Variants in NBPF14 observed in about 807,000 individuals in gnomAD.
The protein encoded by NBPF14 is NBPF family member NBPF14.
Under a neutral mutation model 91.2 loss-of-function variants are expected in NBPF14, and 104 were observed. That is an observed-to-expected ratio of 1.14 (90% CI 0.97 to 1.34). The LOEUF is 1.34. Among genes scored for constraint, NBPF14 ranks in the 40% most tolerant of loss-of-function variants. The probability of loss-of-function intolerance (pLI) is 0.00; values close to 1 mark genes in which losing one functional copy is unlikely to be tolerated. For synonymous variants in NBPF14, 294 were observed against 303.8 expected (o/e 0.97, Z 0.34); for missense variants, 908 against 783.0 (o/e 1.16, Z -1.91).
chr1:148,560,035 C>A, intron 36 of NBPF14, 70 bp from the exon 37 acceptor site: 2 of 716,584 alleles, frequency 2.8e-6, no homozygotes, highest in Admixed American at 2.0e-5. Flanking sequence ...AGCTAGATTT[C>A]ATGGCTAACG....
In NBPF14 at chr1:148,559,959, G is replaced by C. The variant is rs1360947130; in HGVS notation, c.4563C>G (p.Ser1521Arg). 5 of 1,361,006 alleles carry C rather than the reference G, an allele frequency of 3.7e-6. No homozygotes were observed. In the African/African-American group the frequency reaches 8.2e-5, roughly 22 times the overall value. 84.3% of individuals were successfully genotyped at this position (1,361,006 alleles called of 1,614,324 possible). A position where few individuals can be genotyped will look rare whatever the true frequency, so the allele number is the denominator to read the frequency against. ...GCCCTTTCTCATGCAGCAGCTCCCT[G>C]CTGAGCCTGGAAAAGTGGAAAAAAG... Residue 1521 changes from serine to arginine, a missense_variant, in exon 37 of 71, where the codon AGC becomes AGG. This residue lies in a region of NBPF14 where 447 missense variants were observed against 189.1 expected (regional missense o/e 2.36). Transcript: ENST00000619423.
chr1:148,572,659 G>A lies in NBPF14; in HGVS notation c.2586-44C>T, dbSNP rs1659275820. 5 of 657,358 alleles carry A rather than the reference G, an allele frequency of 7.6e-6. 1 individual carries two copies. The highest frequency in any genetic ancestry group is 1.4e-5 in the Non-Finnish European group (5 of 368,442). 40.7% of individuals were successfully genotyped at this position (657,358 alleles called of 1,614,324 possible). A position where few individuals can be genotyped will look rare whatever the true frequency, so the allele number is the denominator to read the frequency against. ...GTAAAGAATAAGCCAGGGGGAATCA[G>A]AAACCACACAGCCCCAGCTAGATTT... On this transcript the variant is annotated intron_variant, in intron 20 of 70. Transcript: ENST00000619423.
At chr1:148,581,861 T>TA (rs1323423528) in intron 12 of NBPF14, among the ~76,000 whole-genome samples, 1 of 140,174 alleles carries the variant, frequency 7.1e-6, no homozygotes, top group Non-Finnish European at 1.5e-5. Context: ...ATGCCCCAGT[T>TA]AAAAAACACA....
At chr1:148,535,283 G>A (rs1654911882) in intron 68 of NBPF14, among the ~76,000 whole-genome samples, 170 bp downstream of exon 68, 1 of 149,952 alleles carries the variant, frequency 6.7e-6, no homozygotes, top group Non-Finnish European at 1.5e-5. Flanking sequence ...GATAAGGGGA[G>A]GAAGAAATGG....
chr1:148,534,594 T>A lies in NBPF14; in HGVS notation c.8614+90A>T, dbSNP rs1376408081. Reference sequence around the variant, plus strand: ...GTCCTGCCTGCGGCAATGACATCTCTCGGGTGAGTAAGGGCCACTTGGAAT... The same window carrying A: ...GTCCTGCCTGCGGCAATGACATCTCACGGGTGAGTAAGGGCCACTTGGAAT... On this transcript the variant is annotated intron_variant, in intron 69 of 70. Coordinates refer to ENST00000619423, the Ensembl canonical transcript of NBPF14. 1.1e-5 allele frequency: 10 copies of A among 870,822 alleles called. No individual in the cohort carries two copies. In the Admixed American group the frequency reaches 1.4e-4, roughly 12 times the overall value. The allele number at this position is 870,822 out of a possible 1,614,324, so 53.9% of individuals were successfully genotyped here.
rs1663169459 is a variant in NBPF14 at position 148,595,474 on chromosome 1, A to G, written c.175+69T>C. On this transcript the variant is annotated intron_variant, in intron 2 of 70. Transcript: ENST00000619423. ...TGAAATTATTTTTGATGGAGAGAGC[A>G]TTTAGTGTCTCAGAGAGAAGACAGG... 7.0e-5 allele frequency: 84 copies of G among 1,206,620 alleles called. 12 individuals carry two copies. The South Asian group carries it at 1.0e-3, about 15-fold the overall frequency. 74.7% of individuals were successfully genotyped at this position (1,206,620 alleles called of 1,614,324 possible). A position where few individuals can be genotyped will look rare whatever the true frequency, so the allele number is the denominator to read the frequency against.
At chr1:148,591,303 G>C in intron 5 of NBPF14, 129 bp downstream of exon 5, 3 of 1,407,906 alleles carry the variant, frequency 2.1e-6, no homozygotes, top group Non-Finnish European at 3.0e-6. Flanking sequence ...TCTAAGCTGG[G>C]TTGAATTTCA....
chr1:148,550,036 T>G (rs1656005511), intron 49 of NBPF14, among the ~76,000 whole-genome samples: 1 of 138,896 alleles, frequency 7.2e-6, no homozygotes, highest in South Asian at 2.4e-4. Context: ...TTTTACACGC[T>G]GAAATTAGAG....
At chr1:148,566,508 GACAC>G (rs1170223898) in intron 28 of NBPF14, among the ~76,000 whole-genome samples, 193 bp from the exon 29 acceptor site, 12,401 of 121,732 alleles carry the variant, frequency 0.1, 1,538 homozygotes, top group African/African-American at 0.27. Flanking sequence ...GAGAAAGACA[GACAC>G]ACACACACAC....
At position 148,561,895 on chromosome 1, in the gene NBPF14, G is replaced by A. The variant is rs1219813215; in HGVS notation, c.4275-316C>T. Among the ~76,000 whole-genome samples the A allele has an allele frequency of 6.9e-5, 9 of 129,620 alleles. 1 individual carries two copies. Among genetic ancestry groups the A allele is most frequent in the African/African-American group, 3.6e-4 (9 of 25,332 alleles). The allele number at this position is 129,620 out of a possible 152,430, so 85.0% of individuals were successfully genotyped here. On this transcript the variant is annotated intron_variant, in intron 34 of 70. Transcript: ENST00000619423. ...GTGACACACTGATGAGGGAGTAACA[G>A]GACACTCTGAGTTAGTGCCCTCAGG...
intron 6 of NBPF14, among the ~76,000 whole-genome samples, chr1:148,589,824 C>G (rs1467654151): frequency 6.7e-6 from 1 of 148,304 alleles, no homozygotes; most frequent in Non-Finnish European, 1.5e-5. Context: ...CCTCTGCCGT[C>G]CGGGTTCAAG....
At position 148,587,289 on chromosome 1, in the gene NBPF14, G is replaced by T. The variant is rs1373021309; in HGVS notation, c.1091+12C>A. On this transcript the variant is annotated intron_variant, in intron 8 of 70. Transcript: ENST00000619423. ...ACCTGCCCCCCTGCCTGCCCCCATG[G>T]GGTCCCCTCACCTGAGCTCCTCAGC... The T allele has an allele frequency of 7.6e-6, 12 of 1,574,836 alleles. No homozygotes were observed. The East Asian group carries it at 1.6e-4, about 20-fold the overall frequency.
At chr1:148,559,722 C>A (rs1373759989) in intron 37 of NBPF14, 71 bp downstream of exon 37, 5 of 816,050 alleles carry the variant, frequency 6.1e-6, no homozygotes, top group Admixed American at 4.0e-5. Context: ...GTAAGGGCCA[C>A]TTGCAGTAGG....
intron 69 of NBPF14, 55 bp downstream of exon 69, chr1:148,534,629 A>G (rs1654678586): frequency 1.1e-6 from 1 of 896,756 alleles, no homozygotes; most frequent in Admixed American, 1.7e-5. Context: ...TAGGAATATC[A>G]CCCCTATCTG....
chr1:148,535,091 T>A (rs1436773028), intron 68 of NBPF14, among the ~76,000 whole-genome samples: 1 of 145,630 alleles, frequency 6.9e-6, no homozygotes, highest in East Asian at 2.1e-4. Flanking sequence ...GCTCAGCGAA[T>A]TGGCCGGGTG....
chr1:148,576,139 G>A (rs1189485662), intron 16 of NBPF14, among the ~76,000 whole-genome samples: 2 of 105,720 alleles, frequency 1.9e-5, no homozygotes, highest in South Asian at 7.1e-4. Context: ...GAAAAGAGTG[G>A]GCTCAATAAT....
Position 148,559,781 on chromosome 1 carries a change from A to C in NBPF14, c.4729+12T>G. On this transcript the variant is annotated intron_variant, in intron 37 of 70. Coordinates refer to ENST00000619423, the Ensembl canonical transcript of NBPF14. ...CAGTGGATCCTTATCACCTTCATAG[A>C]AAGGTACTCACCATCCATGTCAACA... The C allele has an allele frequency of 2.1e-6, 3 of 1,450,314 alleles. 1 individual carries two copies. The highest frequency in any genetic ancestry group is 5.0e-5 in the East Asian group (2 of 39,920). The allele number at this position is 1,450,314 out of a possible 1,614,324, so 89.8% of individuals were successfully genotyped here. A position where few individuals can be genotyped will look rare whatever the true frequency, so the allele number is the denominator to read the frequency against.
intron 20 of NBPF14, among the ~76,000 whole-genome samples, 181 bp from the exon 21 acceptor site, chr1:148,572,796 A>G (rs1173420778): frequency 3.3e-5 from 2 of 60,758 alleles, no homozygotes; most frequent in Non-Finnish European, 5.9e-5. Flanking sequence ...AAACAATGAA[A>G]GAGAGAGACA....
At position 148,562,245 on chromosome 1, in the gene NBPF14, G is replaced by T. The variant is rs1657967275; in HGVS notation, c.4265C>A (p.Pro1422Gln). 4.0e-5 allele frequency: 6 copies of T among 148,490 alleles called. No individual in the cohort carries two copies. In the East Asian group the frequency reaches 1.2e-3, roughly 28 times the overall value. The allele number at this position is 148,490 out of a possible 1,614,324, so 9.2% of individuals were successfully genotyped here. Reference sequence around the variant, plus strand: ...ACAATTGCTCAGTTACCTGGGGCATGGTGGGTCTTGGTCTTCTTCCTCTTC... The same window carrying T: ...ACAATTGCTCAGTTACCTGGGGCATTGTGGGTCTTGGTCTTCTTCCTCTTC... The change falls in exon 34 of 71, where the codon CCA becomes CAA. Residue 1422 changes from proline (P) to glutamine (Q), a missense_variant. Pro to Gln is a moderately conservative substitution (Grantham distance 76). Around this residue, in one of 13 missense-constraint regions of NBPF14, gnomAD observed 447 missense variants for 189.1 expected, o/e 2.36. Coordinates refer to ENST00000619423, the Ensembl canonical transcript of NBPF14.
Sources: allele counts gnomAD v4.1 joint callset (sites outside exome capture counted in the v4.1 genomes callset), GRCh38; gene constraint gnomAD v4.1.1; regional missense constraint gnomAD v4.1.1; transcripts MANE v1.5; gene names NCBI Gene and HGNC (gene_info 2026-07-23, HGNC 2026-07-21).